Variants in SIK3 observed in about 807,000 individuals in gnomAD.
The protein encoded by SIK3 is serine/threonine-protein kinase SIK3.
Under a neutral mutation model 144.2 loss-of-function variants are expected in SIK3, and 28 were observed. The observed-to-expected ratio is 0.19, with a 90% CI of 0.14 to 0.27. SIK3 has a LOEUF of 0.27. Ranked by LOEUF, SIK3 falls within the 10% of genes least tolerant of loss-of-function variation. SIK3 has a pLI of 1.00. For synonymous variants in SIK3, 686 were observed against 676.3 expected (o/e 1.01, Z -0.22); for missense variants, 1,319 against 1,776.0 (o/e 0.74, Z 4.62).
intron 4 of SIK3, among the ~76,000 whole-genome samples, chr11:116,907,370 G>A (rs1946095431): frequency 6.6e-6 from 1 of 152,210 alleles, no homozygotes; most frequent in South Asian, 2.1e-4. Flanking sequence ...AAATTTGCCA[G>A]GCACAGTGGC....
intron 13 of SIK3, among the ~76,000 whole-genome samples, chr11:116,872,383 A>G (rs191075016): frequency 1.3e-5 from 2 of 152,318 alleles, no homozygotes; most frequent in East Asian, 3.9e-4. Context: ...TGCCTCTGCC[A>G]CCTAATTTTC....
rs1949051581 is a variant in SIK3, at chr11:116,954,050, T to C, written c.448A>G (p.Ile150Val). 6.2e-7 allele frequency: 1 copy of C among 1,613,456 alleles called. No homozygotes were observed. Among genetic ancestry groups the C allele is most frequent in the African/African-American group, 1.3e-5 (1 of 74,888 alleles). Residue 150 changes from isoleucine to valine, a missense_variant, in exon 3 of 25, where the codon ATA (isoleucine) becomes GTA (valine). Around this residue, in one of 8 missense-constraint regions of SIK3, gnomAD observed 125 missense variants for 285.2 expected, o/e 0.44. Coordinates refer to ENST00000445177, the MANE Select transcript of SIK3 (RefSeq NM_001366686.3). ...LVTEYASGGE[I>V]FDHLVAHGRM... ...ATGCAATAAATGTACTTACCAAATA[T>C]TTCCCCTCCACTAGCATATTCTGTC...
At chr11:116,970,577 C>T (rs377698066) in intron 1 of SIK3, among the ~76,000 whole-genome samples, 9 of 151,996 alleles carry the variant, frequency 5.9e-5, no homozygotes, top group African/African-American at 1.9e-4. Flanking sequence ...CTCAAACTCC[C>T]GGGCTCAAGC....
At chr11:117,025,065 C>T (rs541353640) in intron 1 of SIK3, among the ~76,000 whole-genome samples, 11 of 152,296 alleles carry the variant, frequency 7.2e-5, no homozygotes, top group African/African-American at 2.4e-4. Context: ...ACTCATCCAT[C>T]GGTAATAACA....
chr11:117,045,857 G>T (rs1952939559), intron 1 of SIK3, among the ~76,000 whole-genome samples: 1 of 152,166 alleles, frequency 6.6e-6, no homozygotes, highest in Non-Finnish European at 1.5e-5. Flanking sequence ...GTGTAAAAAT[G>T]TATGAACTCT....
chr11:116,974,940 T>C (rs139037396), intron 1 of SIK3, among the ~76,000 whole-genome samples: 5 of 152,286 alleles, frequency 3.3e-5, no homozygotes, highest in Admixed American at 2.6e-4. Flanking sequence ...TAGCCTAAGT[T>C]TTCTGGTAAA....
intron 13 of SIK3, among the ~76,000 whole-genome samples, chr11:116,871,820 A>C (rs1289047610): frequency 6.6e-6 from 1 of 152,200 alleles, no homozygotes; most frequent in Non-Finnish European, 1.5e-5. Context: ...ATTCACTGTC[A>C]CCCAAGAGGA....
At chr11:117,016,330 A>AAGG (rs1277806966) in intron 1 of SIK3, among the ~76,000 whole-genome samples, 1,970 of 132,188 alleles carry the variant, frequency 0.015, 104 homozygotes, top group African/African-American at 0.052. Flanking sequence ...TGCGAAAAAA[A>AAGG]AAGGAAGGAA....
intron 6 of SIK3, among the ~76,000 whole-genome samples, chr11:116,883,898 C>T (rs1268182501): frequency 1.3e-5 from 2 of 151,764 alleles, no homozygotes; most frequent in East Asian, 3.9e-4. Context: ...TGTGCCACTG[C>T]ATTCCAGCCT....
At chr11:116,957,744 A>C (rs1296161907) in intron 1 of SIK3, among the ~76,000 whole-genome samples, 1 of 152,168 alleles carries the variant, frequency 6.6e-6, no homozygotes, top group Non-Finnish European at 1.5e-5. Context: ...ACAGAGATTA[A>C]GTAATTAACC....
Position 116,857,874 on chromosome 11 carries a change from C to T in SIK3, c.3591G>A (p.Leu1197=), listed in dbSNP as rs1439777792. The change falls in exon 21 of 25, where the codon TTG becomes TTA. Residue 1197 remains leucine, a synonymous_variant. Coordinates refer to ENST00000445177, the MANE Select transcript of SIK3 (RefSeq NM_001366686.3). ...GCTGATGACCATAGGGATGTATCCCCAATTCTTGGGCATGACTCACAGTTC... is the reference window on the plus strand; with the variant it reads ...GCTGATGACCATAGGGATGTATCCCTAATTCTTGGGCATGACTCACAGTTC... ...LLGTVSHAQE[L]GIHPYGHQPT... is the part of the protein sequence containing the mutation. 6 of 1,614,060 alleles carry T rather than the reference C, an allele frequency of 3.7e-6. No homozygotes were observed. The highest frequency in any genetic ancestry group is 1.1e-5 in the South Asian group (1 of 91,086).
At chr11:116,922,717 T>C (rs943355810) in intron 4 of SIK3, among the ~76,000 whole-genome samples, 2 of 152,058 alleles carry the variant, frequency 1.3e-5, no homozygotes, top group African/African-American at 4.8e-5. Flanking sequence ...GACCAATTTA[T>C]TCATCTTCTA....
intron 1 of SIK3, among the ~76,000 whole-genome samples, chr11:116,996,153 C>G (rs1194017696): frequency 6.6e-6 from 1 of 151,776 alleles, no homozygotes. Flanking sequence ...ACTAAAAATA[C>G]AAAAATTAGC....
At position 117,055,745 on chromosome 11, in the gene SIK3, G is replaced by A. The variant is rs150273418; in HGVS notation, c.273+42398C>T. On this transcript the variant is annotated intron_variant, in intron 1 of 24. Transcript: ENST00000445177. Reference sequence around the variant, plus strand: ...GCCAACGTGATGGTATTAAGAAGTCGGGCCTTTAAGACATCATTAAGTCAT... The same window carrying A: ...GCCAACGTGATGGTATTAAGAAGTCAGGCCTTTAAGACATCATTAAGTCAT... 7.5e-4 allele frequency among the ~76,000 whole-genome samples: 114 copies of A among 152,300 alleles called. 1 individual carries two copies. The highest frequency in any genetic ancestry group is 3.4e-3 in the Middle Eastern group (1 of 294).
chr11:116,932,785 T>C (rs1947687337), intron 3 of SIK3, among the ~76,000 whole-genome samples: 2 of 152,126 alleles, frequency 1.3e-5, no homozygotes, highest in African/African-American at 4.8e-5. Flanking sequence ...CCTTTTGAGA[T>C]TGGCTTTTTT....
At chr11:116,898,590 A>C (rs1945556909) in intron 4 of SIK3, among the ~76,000 whole-genome samples, 1 of 151,918 alleles carries the variant, frequency 6.6e-6, no homozygotes, top group Non-Finnish European at 1.5e-5. Context: ...CAGTCCCACC[A>C]ACAGTGTAAA....
chr11:117,095,262 C>T (rs1955426284), intron 1 of SIK3, among the ~76,000 whole-genome samples: 1 of 150,198 alleles, frequency 6.7e-6, no homozygotes, highest in South Asian at 2.1e-4. Flanking sequence ...TACCTATTAC[C>T]TAACCTCCTT....
chr11:117,073,768 C>T (rs1954382106), intron 1 of SIK3, among the ~76,000 whole-genome samples: 1 of 152,196 alleles, frequency 6.6e-6, no homozygotes, highest in South Asian at 2.1e-4. Flanking sequence ...AACTGCTCCT[C>T]CGGAGGAAGA....
At position 116,863,826 on chromosome 11, in the gene SIK3, T is replaced by C. The variant is rs1943483420; in HGVS notation, c.1953-8A>G. ...GAGTCCTTGTAGGTAGAGCTGAATA[T>C]ATGGGAAGAGAAGGTTAGAGGCTAG... is the stretch of plus-strand genomic sequence containing the variant. On this transcript the variant is annotated splice_region_variant and splice_polypyrimidine_tract_variant and intron_variant, in intron 15 of 24. Coordinates refer to ENST00000445177, the MANE Select transcript of SIK3 (RefSeq NM_001366686.3). 1 of 1,597,076 alleles carries C rather than the reference T, an allele frequency of 6.3e-7. No homozygotes were observed. Among genetic ancestry groups the C allele is most frequent in the African/African-American group, 1.3e-5 (1 of 74,384 alleles).
Sources: gnomAD v4.1 joint callset for allele counts (sites outside exome capture counted in the v4.1 genomes callset) on GRCh38, gnomAD v4.1.1 for gene constraint, gnomAD v4.1.1 regional missense constraint, MANE v1.5 for transcripts, NCBI Gene and HGNC (gene_info 2026-07-23, HGNC 2026-07-21) for gene names.